PLEKHA7: variants seen among roughly 807,000 people sequenced by gnomAD.
The protein encoded by PLEKHA7 is pleckstrin homology domain-containing family A member 7.
PLEKHA7 carries 104 observed loss-of-function variants against 170.0 expected under a neutral mutation model. The observed-to-expected ratio is 0.61, with a 90% confidence interval of 0.52 to 0.72. The LOEUF (loss-of-function observed/expected upper bound fraction) is 0.72, where lower values mean the gene tolerates loss of function less well. Ranked by LOEUF, PLEKHA7 falls within the 30% of genes least tolerant of loss-of-function variation. The pLI is 0.00. For missense variants in PLEKHA7, 1,615 were observed against 1,671.7 expected, an observed-to-expected ratio of 0.97 and a Z score of 0.59; for synonymous variants, 648 against 660.8, an observed-to-expected ratio of 0.98 and a Z score of 0.30.
In PLEKHA7 at chr11:16,816,199, A is replaced by G; in HGVS notation, c.1932T>C (p.Ala644=). Residue 644 remains alanine, a synonymous_variant, in exon 12 of 27, where the codon GCT becomes GCC. Coordinates refer to ENST00000531066, the MANE Select transcript of PLEKHA7 (RefSeq NM_001329630.2). ...SMGYMTHTVS[A]PSLHGKSADD... ...CTACCGATTTTCCATGTAAACTGGG[A>G]GCGCTGACGGTGTGGGTCATGTAAC... 1 of 1,613,542 alleles carries G rather than the reference A, an allele frequency of 6.2e-7. No homozygotes were observed. Among genetic ancestry groups the G allele is most frequent in the East Asian group, 2.2e-5 (1 of 44,876 alleles).
intron 10 of PLEKHA7, among the ~76,000 whole-genome samples, chr11:16,823,186 G>A (rs1254973899): frequency 6.6e-6 from 1 of 151,846 alleles, no homozygotes; most frequent in African/African-American, 2.4e-5. Context: ...AAATTTTTTT[G>A]GTAGAGATGG....
chr11:16,856,715 T>A (rs1459706886), intron 4 of PLEKHA7, among the ~76,000 whole-genome samples: 1 of 152,112 alleles, frequency 6.6e-6, no homozygotes, highest in African/African-American at 2.4e-5. Flanking sequence ...ATCCCCAGCA[T>A]TTGCCAGTCT....
chr11:16,853,191 A>AT (rs1003738817), intron 6 of PLEKHA7, among the ~76,000 whole-genome samples: 7 of 151,560 alleles, frequency 4.6e-5, no homozygotes, highest in Admixed American at 6.6e-5. Flanking sequence ...ACAAAAAAAA[A>AT]TTTTTTTTTC....
intron 4 of PLEKHA7, among the ~76,000 whole-genome samples, chr11:16,858,193 C>T (rs1853629473): frequency 6.6e-6 from 1 of 151,894 alleles, no homozygotes; most frequent in African/African-American, 2.4e-5. Flanking sequence ...TTTTATATGC[C>T]TGGGTTTTCT....
rs562090412 is a variant in PLEKHA7, at chr11:16,796,254, C to T, written c.2410-1236G>A. Among the ~76,000 whole-genome samples the T allele has an allele frequency of 6.6e-5, 10 of 152,286 alleles. No homozygotes were observed. The South Asian group carries it at 2.1e-3, about 32-fold the overall frequency. On this transcript the variant is annotated intron_variant, in intron 17 of 26. Coordinates refer to ENST00000531066, the MANE Select transcript of PLEKHA7 (RefSeq NM_001329630.2). Reference sequence around the variant, plus strand: ...TACACCATCTCTAGGATATAAAAAACATTTTTAAAAAGTCAGCTGAACCCG... The same window carrying T: ...TACACCATCTCTAGGATATAAAAAATATTTTTAAAAAGTCAGCTGAACCCG...
In PLEKHA7 at chr11:16,783,780, G is replaced by C. The variant is rs1387035651; in HGVS notation, c.3570C>G (p.Pro1190=). The change falls in exon 25 of 27, where the codon CCC becomes CCG. Residue 1190 remains proline (P), a synonymous_variant. Coordinates refer to ENST00000531066, the MANE Select transcript of PLEKHA7 (RefSeq NM_001329630.2). ...SIPERYVELD[P]EEPPSLEELQ... ...GCTCCTCAAGGCTGGGTGGCTCTTCGGGATCTAGCTCCACGTAGCGCTCAG... is the reference window on the plus strand; with the variant it reads ...GCTCCTCAAGGCTGGGTGGCTCTTCCGGATCTAGCTCCACGTAGCGCTCAG... 6.6e-7 allele frequency: 1 copy of C among 1,514,584 alleles called. No individual in the cohort carries two copies. The allele number at this position is 1,514,584 out of a possible 1,614,324, so 93.8% of individuals were successfully genotyped here. A position where few individuals can be genotyped will look rare whatever the true frequency, so the allele number is the denominator to read the frequency against.
At chr11:16,864,923 C>A (rs1481368694) in intron 4 of PLEKHA7, among the ~76,000 whole-genome samples, 1 of 152,120 alleles carries the variant, frequency 6.6e-6, no homozygotes, top group African/African-American at 2.4e-5. Context: ...AATCTGACAC[C>A]TGCCTTTGCC....
intron 23 of PLEKHA7, chr11:16,786,836 A>G (rs1849430234): frequency 1.0e-6 from 1 of 985,268 alleles, no homozygotes; most frequent in Admixed American, 6.1e-5. Flanking sequence ...ATAACCAAGG[A>G]TCTTTCTATT....
intron 3 of PLEKHA7, among the ~76,000 whole-genome samples, chr11:16,892,432 G>GTTTTGTTTTGTTTTGTAT (rs763934828): frequency 8.7e-6 from 1 of 114,946 alleles, no homozygotes; most frequent in Non-Finnish European, 1.8e-5. Flanking sequence ...GTGTGTGTGT[G>GTTTTGTTTTGTTTTGTAT]TGTTTTGTTT....
intron 3 of PLEKHA7, among the ~76,000 whole-genome samples, chr11:16,999,269 T>C (rs1293297469): frequency 1.3e-5 from 2 of 151,894 alleles, no homozygotes; most frequent in African/African-American, 2.4e-5. Flanking sequence ...CTCAGCTTAA[T>C]TGCCTTCTGC....
intron 3 of PLEKHA7, 34 bp from the exon 4 acceptor site, chr11:16,871,216 G>C (rs569129190): frequency 6.6e-7 from 1 of 1,523,422 alleles, no homozygotes; most frequent in East Asian, 2.3e-5. Context: ...ATGAGAATTC[G>C]TGTGAATGGA....
intron 17 of PLEKHA7, among the ~76,000 whole-genome samples, chr11:16,796,328 G>C (rs959135154): frequency 6.6e-6 from 1 of 152,158 alleles, no homozygotes; most frequent in Non-Finnish European, 1.5e-5. Flanking sequence ...ATATTAGTTG[G>C]CAATAAAAAG....
intron 3 of PLEKHA7, among the ~76,000 whole-genome samples, chr11:16,958,410 A>T (rs775405717): frequency 6.6e-6 from 1 of 152,330 alleles, no homozygotes; most frequent in Non-Finnish European, 1.5e-5. Flanking sequence ...GTAAAAACAG[A>T]AAAAAGAATA....
intron 9 of PLEKHA7, among the ~76,000 whole-genome samples, chr11:16,829,989 C>T (rs4757434): frequency 2.8e-4 from 41 of 147,282 alleles, no homozygotes; most frequent in African/African-American, 3.6e-4. Context: ...TTTTTTTTTT[C>T]TTTTTCTGAT....
At position 16,794,902 on chromosome 11, in the gene PLEKHA7, C is replaced by T; in HGVS notation, c.2518+8G>A. 6.3e-7 allele frequency: 1 copy of T among 1,594,392 alleles called. No individual in the cohort carries two copies. Among genetic ancestry groups the T allele is most frequent in the Non-Finnish European group, 8.6e-7 (1 of 1,164,048 alleles). ...GATCCCCCACATCCAGGAAGATGAA[C>T]ATCTCACCCGGATTTTTTACTGACT... On this transcript the variant is annotated splice_region_variant and intron_variant, in intron 18 of 26. Transcript: ENST00000531066.
At chr11:16,898,794 T>C (rs1416827221) in intron 3 of PLEKHA7, among the ~76,000 whole-genome samples, 2 of 152,166 alleles carry the variant, frequency 1.3e-5, no homozygotes, top group Non-Finnish European at 2.9e-5. Flanking sequence ...TCCTTGCTTC[T>C]AGACTTTGTT....
At chr11:16,875,611 C>A (rs1855227365) in intron 3 of PLEKHA7, among the ~76,000 whole-genome samples, 1 of 151,904 alleles carries the variant, frequency 6.6e-6, no homozygotes, top group Admixed American at 6.6e-5. Context: ...CCATGCCCGG[C>A]TAATTTTTTT....
chr11:16,878,255 C>T (rs1018714056), intron 3 of PLEKHA7, among the ~76,000 whole-genome samples: 9 of 152,212 alleles, frequency 5.9e-5, no homozygotes, highest in African/African-American at 2.2e-4. Context: ...GATACTGCAA[C>T]AGCCTCCTAC....
intron 9 of PLEKHA7, among the ~76,000 whole-genome samples, chr11:16,830,179 T>C (rs1358248932): frequency 6.6e-6 from 1 of 151,944 alleles, no homozygotes; most frequent in African/African-American, 2.4e-5. Flanking sequence ...AGACAAGGTC[T>C]TTCTTTGTTG....
Sources: gnomAD v4.1 joint callset for allele counts (sites outside exome capture counted in the v4.1 genomes callset) on GRCh38, gnomAD v4.1.1 for gene constraint, MANE v1.5 for transcripts, NCBI Gene and HGNC (gene_info 2026-07-23, HGNC 2026-07-21) for gene names.